Variants in CDC25C observed in about 807,000 individuals in gnomAD.
CDC25C encodes the protein cell division cycle 25C.
Under a neutral mutation model 52.5 loss-of-function variants are expected in CDC25C, and 48 were observed. The observed-to-expected ratio is 0.91, with a 90% confidence interval of 0.72 to 1.16. CDC25C has a LOEUF of 1.16. Among genes scored for constraint, CDC25C ranks in the 50% most tolerant of loss-of-function variants. CDC25C has a pLI of 0.00. For missense variants in CDC25C, 510 were observed against 566.1 expected, an observed-to-expected ratio of 0.90 and a Z score of 1.01; for synonymous variants, 187 against 206.5, an observed-to-expected ratio of 0.91 and a Z score of 0.81.
At chr5:138,307,490 C>CTAAAAAA (rs1758096367) in intron 7 of CDC25C, among the ~76,000 whole-genome samples, 1 of 88,248 alleles carries the variant, frequency 1.1e-5, no homozygotes, top group Non-Finnish European at 2.0e-5. Context: ...GAGACTGCCA[C>CTAAAAAA]AAAAAAAAAA....
Position 138,331,657 on chromosome 5 carries a change from G to T in CDC25C, c.-101C>A. On this transcript the variant is annotated 5_prime_UTR_variant, in exon 1 of 14. It adds an upstream start codon to the 5' untranslated region. Coordinates refer to ENST00000323760, the MANE Select transcript of CDC25C (RefSeq NM_001790.5). ...AGAAAGTAGATAGGGATCGGACACA[G>T]GCGAAGACTTGAGCAGAATGAAAGG... The T allele has an allele frequency of 2.0e-6, 2 of 998,380 alleles. No homozygotes were observed. Among genetic ancestry groups the T allele is most frequent in the Non-Finnish European group, 2.4e-6 (2 of 836,726 alleles). 61.8% of individuals were successfully genotyped at this position (998,380 alleles called of 1,614,324 possible). A position where few individuals can be genotyped will look rare whatever the true frequency, so the allele number is the denominator to read the frequency against.
intron 10 of CDC25C, among the ~76,000 whole-genome samples, chr5:138,287,675 T>C (rs1306965651): frequency 1.3e-5 from 2 of 152,076 alleles, no homozygotes; most frequent in African/African-American, 4.8e-5. Context: ...CAGGAAAGGA[T>C]ATGGAAGGGA....
intron 7 of CDC25C, among the ~76,000 whole-genome samples, chr5:138,305,587 G>A (rs1397048018): frequency 1.9e-4 from 29 of 151,962 alleles, no homozygotes; most frequent in Admixed American, 1.9e-3. Context: ...TTTTTGTAGC[G>A]ATGGGGGCTT....
intron 7 of CDC25C, among the ~76,000 whole-genome samples, chr5:138,318,040 T>A (rs1759038828): frequency 2.0e-5 from 3 of 151,982 alleles, no homozygotes. Flanking sequence ...AGTCTAAAGA[T>A]AGGTTACGCC....
chr5:138,316,550 G>A (rs11740078), intron 7 of CDC25C, among the ~76,000 whole-genome samples: 23,692 of 152,022 alleles, frequency 0.16, 2,012 homozygotes, highest in Non-Finnish European at 0.18. Context: ...GCTGGGGACC[G>A]GGCTGCTAGT....
chr5:138,286,107 C>T lies in CDC25C; in HGVS notation c.1187G>A (p.Arg396Lys), dbSNP rs1318293562. ...CAATGCAGGATACTGGTTCAGAGAC[C>T]TGTCCTCTTCACGCAGACAGCGGCA... ...RMCRCLREEDRSLNQYPALYY... is the reference protein window; with the variant it reads ...RMCRCLREEDKSLNQYPALYY... Residue 396 changes from arginine (R) to lysine (K), a missense_variant, in exon 13 of 14, where the codon AGG (arginine) becomes AAG (lysine). Physicochemically the swap from Arg to Lys is conservative, Grantham distance 26 (BLOSUM62 2). Transcript: ENST00000323760. 2 of 1,613,808 alleles carry T rather than the reference C, an allele frequency of 1.2e-6. No individual in the cohort carries two copies. The highest frequency in any genetic ancestry group is 2.2e-5 in the East Asian group (1 of 44,886).
Position 138,305,637 on chromosome 5 carries a change from A to T in CDC25C, c.616-13521T>A, listed in dbSNP as rs889964544. On this transcript the variant is annotated intron_variant, in intron 7 of 13. Coordinates refer to ENST00000323760, the MANE Select transcript of CDC25C (RefSeq NM_001790.5). Reference sequence around the variant, plus strand: ...GCTGGTCTCAAACTTGTCGACTCAAACTATCCTTCTGCCTCAGACTCCCAA... The same window carrying T: ...GCTGGTCTCAAACTTGTCGACTCAATCTATCCTTCTGCCTCAGACTCCCAA... Among the ~76,000 whole-genome samples the T allele has an allele frequency of 3.3e-5, 5 of 152,062 alleles. No homozygotes were observed. The South Asian group carries it at 1.0e-3, about 32-fold the overall frequency.
chr5:138,327,283 C>T (rs997970109), intron 4 of CDC25C, among the ~76,000 whole-genome samples: 2 of 149,634 alleles, frequency 1.3e-5, no homozygotes, highest in Admixed American at 1.3e-4. Context: ...TTTCTATCCT[C>T]CCTCCATGGA....
chr5:138,311,871 C>A (rs1388465066), intron 7 of CDC25C, among the ~76,000 whole-genome samples: 2 of 152,028 alleles, frequency 1.3e-5, no homozygotes, highest in Admixed American at 6.6e-5. Flanking sequence ...AGAAACAACT[C>A]AATTAAAAAA....
At chr5:138,336,651 C>G (rs1760723925), upstream of CDC25C, 1 of 151,842 alleles carries the variant, frequency 6.6e-6, no homozygotes, top group African/African-American at 2.4e-5. Context: ...CGCCTCAGTG[C>G]ACTCCAGCCT....
chr5:138,329,603 C>G lies in CDC25C; in HGVS notation c.239G>C (p.Gly80Ala), dbSNP rs761444218. 3.1e-6 allele frequency: 5 copies of G among 1,613,568 alleles called. No individual in the cohort carries two copies. In the African/African-American group the frequency reaches 6.7e-5, roughly 22 times the overall value. Reference sequence around the variant, plus strand: ...GGTAAGCTGAGTGGCAGTTATCTCCCCACTGCTAAGATTCGAAAGATCGAG... The same window carrying G: ...GGTAAGCTGAGTGGCAGTTATCTCCGCACTGCTAAGATTCGAAAGATCGAG... ...RCLDLSNLSS[G>A]EITATQLTTS... Residue 80 changes from glycine to alanine, a missense_variant, in exon 3 of 14, where the codon GGG (glycine) becomes GCG (alanine). Gly to Ala is a moderately conservative substitution (Grantham distance 60). Coordinates refer to ENST00000323760, the MANE Select transcript of CDC25C (RefSeq NM_001790.5).
chr5:138,318,385 G>A (rs1759071528), intron 7 of CDC25C, among the ~76,000 whole-genome samples: 1 of 152,038 alleles, frequency 6.6e-6, no homozygotes, highest in Admixed American at 6.6e-5. Context: ...TTAGTAGAGT[G>A]ACTCATACAT....
intron 7 of CDC25C, among the ~76,000 whole-genome samples, chr5:138,308,021 CT>C (rs2126740031): frequency 6.6e-6 from 1 of 152,172 alleles, no homozygotes; most frequent in Non-Finnish European, 1.5e-5. Flanking sequence ...AAGAGTTTGC[CT>C]CCTATGAGAA....
chr5:138,297,292 C>T (rs1478682445), intron 7 of CDC25C, among the ~76,000 whole-genome samples: 1 of 152,046 alleles, frequency 6.6e-6, no homozygotes, highest in Admixed American at 6.6e-5. Context: ...AACTCCTGAC[C>T]TCAAGTGATC....
rs1756260186 is a variant in CDC25C at position 138,286,606 on chromosome 5, C to T, written c.1051G>A (p.Glu351Lys). Residue 351 changes from glutamate to lysine, a missense_variant, in exon 12 of 14, where the codon GAA (glutamate) becomes AAA (lysine). Coordinates refer to ENST00000323760, the MANE Select transcript of CDC25C (RefSeq NM_001790.5). ...TTCAGAAAGAAGTTAAACAGTTCTT[C>T]CTGACTATATAAGTTTAAGGCTCCC... Reference protein sequence around the residue: ...IQGALNLYSQEELFNFFLKKP... With the variant: ...IQGALNLYSQKELFNFFLKKP... 2 of 1,613,356 alleles carry T rather than the reference C, an allele frequency of 1.2e-6. No individual in the cohort carries two copies. The highest frequency in any genetic ancestry group is 1.7e-6 in the Non-Finnish European group (2 of 1,179,462).
chr5:138,321,484 T>C (rs1416201750), intron 6 of CDC25C, among the ~76,000 whole-genome samples: 2 of 152,060 alleles, frequency 1.3e-5, no homozygotes, highest in Non-Finnish European at 2.9e-5. Context: ...CCAGGCGCGG[T>C]GGCTCATGCC....
In CDC25C at chr5:138,304,974, C is replaced by T. The variant is rs189265034; in HGVS notation, c.616-12858G>A. On this transcript the variant is annotated intron_variant, in intron 7 of 13. Coordinates refer to ENST00000323760, the MANE Select transcript of CDC25C (RefSeq NM_001790.5). The stretch of plus-strand genomic sequence containing the variant: ...CACTCACCATAGCCTAAAGACCCTG[C>T]GTGATCTACCTCCTGACTACTTATT... 1.4e-3 allele frequency among the ~76,000 whole-genome samples: 206 copies of T among 152,290 alleles called. 1 individual carries two copies. Among genetic ancestry groups the T allele is most frequent in the African/African-American group, 4.5e-3 (189 of 41,566 alleles).
rs1284309931 is a variant in CDC25C at position 138,289,569 on chromosome 5, A to C, written c.865-6T>G. Reference sequence around the variant, plus strand: ...ACGGTTGGCAGCGCACATACCTAGAAATACACAAGAGCTGAAATAACAGCA... The same window carrying C: ...ACGGTTGGCAGCGCACATACCTAGACATACACAAGAGCTGAAATAACAGCA... On this transcript the variant is annotated splice_polypyrimidine_tract_variant and splice_region_variant and intron_variant, in intron 9 of 13. Transcript: ENST00000323760. The C allele has an allele frequency of 6.2e-7, 1 of 1,610,808 alleles. No individual in the cohort carries two copies. Among genetic ancestry groups the C allele is most frequent in the South Asian group, 1.1e-5 (1 of 91,006 alleles).
chr5:138,334,090 C>T (rs1209568792), upstream of CDC25C, among the ~76,000 whole-genome samples: 4 of 152,050 alleles, frequency 2.6e-5, no homozygotes, highest in Admixed American at 6.6e-5. Flanking sequence ...CCCGCCACCA[C>T]GCCTGGCTGA....
Sources: allele counts gnomAD v4.1 joint callset (sites outside exome capture counted in the v4.1 genomes callset), GRCh38; gene constraint gnomAD v4.1.1; transcripts MANE v1.5; gene names NCBI Gene and HGNC (gene_info 2026-07-23, HGNC 2026-07-21).